LUZP4: variants seen among roughly 807,000 people sequenced by gnomAD.
The protein encoded by LUZP4 is leucine zipper protein 4.
In LUZP4, 11 loss-of-function variants were observed where a neutral mutation model predicts 8.5. The ratio of observed to expected loss-of-function variants is 1.30; its 90% CI spans 0.82 to 2.14. The LOEUF (loss-of-function observed/expected upper bound fraction) is 2.14, where lower values mean the gene tolerates loss of function less well. Ranked by LOEUF, LUZP4 falls within the 30% of genes most tolerant of loss-of-function variation. The pLI is 0.00. For synonymous variants in LUZP4, 104 were observed against 79.4 expected (o/e 1.31, Z -1.65); for missense variants, 276 against 229.7 (o/e 1.20, Z -1.30).
chrX:115,306,581 A>G lies in LUZP4; in HGVS notation c.719A>G (p.Asp240Gly). Residue 240 changes from aspartate to glycine, a missense_variant, in exon 4 of 4, where the codon GAC (aspartate) becomes GGC (glycine). Physicochemically the swap from Asp to Gly is moderately conservative, Grantham distance 94 (BLOSUM62 -1). Coordinates refer to ENST00000371920, the MANE Select transcript of LUZP4 (RefSeq NM_016383.5). ...TCTCGTAGCCAGGGAGATCTTGTGG[A>G]CACTCAGAGTGATCTCATAGCCACT... is the stretch of plus-strand genomic sequence containing the variant. ...KRSRSQGDLV[D>G]TQSDLIATQR... The G allele has an allele frequency of 8.3e-7, 1 of 1,208,727 alleles. No homozygotes were observed. The highest frequency in any genetic ancestry group is 1.1e-6 in the Non-Finnish European group (1 of 894,982).
chrX:115,295,214 C>T (rs2073365655), intron 1 of LUZP4, among the ~76,000 whole-genome samples: 1 of 111,467 alleles, frequency 9.0e-6, no homozygotes, highest in African/African-American at 3.3e-5. Flanking sequence ...TAGCTGGGAC[C>T]CTAGGTGTGC....
chrX:115,301,211 G>T (rs1255756830), intron 1 of LUZP4, among the ~76,000 whole-genome samples: 7 of 110,945 alleles, frequency 6.3e-5, no homozygotes, highest in East Asian at 5.6e-4. Flanking sequence ...CTTCCAGAAG[G>T]TGTGGGGGGC....
At position 115,289,782 on chromosome X, in the gene LUZP4, C is replaced by A. The variant is rs1556595788; in HGVS notation, c.23C>A (p.Thr8Lys). MASFRKL[T>K]LSEKVPPNHP... The stretch of plus-strand genomic sequence containing the variant: ...AAGATGGCTTCGTTTCGGAAGCTAA[C>A]GCTTTCTGAAAAAGTGCCGCCAAAT... The change falls in exon 1 of 4, where the codon ACG (threonine) becomes AAG (lysine). Residue 8 changes from threonine to lysine, a missense_variant. By Grantham distance (78) the Thr-to-Lys change is moderately conservative (BLOSUM62 -1). Transcript: ENST00000371920. 6 of 1,209,066 alleles carry A rather than the reference C, an allele frequency of 5.0e-6. No homozygotes were observed. The highest frequency in any genetic ancestry group is 6.7e-6 in the Non-Finnish European group (6 of 893,555).
chrX:115,304,033 A>G (rs1344564445), intron 3 of LUZP4, among the ~76,000 whole-genome samples: 2 of 112,719 alleles, frequency 1.8e-5, no homozygotes, highest in Non-Finnish European at 3.7e-5. Context: ...GGGAGCTTAA[A>G]TCATTTTTGC....
chrX:115,293,005 G>C (rs1241527397), intron 1 of LUZP4, among the ~76,000 whole-genome samples: 1 of 110,921 alleles, frequency 9.0e-6, no homozygotes, highest in Non-Finnish European at 1.9e-5. Flanking sequence ...GCATTAAAAT[G>C]ACTTTAAAAA....
intron 1 of LUZP4, among the ~76,000 whole-genome samples, chrX:115,295,103 A>G (rs1287949696): frequency 9.0e-6 from 1 of 111,464 alleles, no homozygotes; most frequent in Admixed American, 9.5e-5. Context: ...TTTTTGAGAC[A>G]GGGTCTCTGT....
At chrX:115,290,201 A>G (rs1168910703) in intron 1 of LUZP4, among the ~76,000 whole-genome samples, 1 of 111,456 alleles carries the variant, frequency 9.0e-6, no homozygotes, top group African/African-American at 3.3e-5. Flanking sequence ...TTGATACCTA[A>G]CTACTGGCCT....
chrX:115,289,719 G>T lies in LUZP4; in HGVS notation c.-41G>T, dbSNP rs1556595671. ...CCTGCGCGGTGAGGGGGTGGTACAC[G>T]CGCCCTACCTCGGAGTGTGTGGCGC... is the stretch of plus-strand genomic sequence containing the variant. On this transcript the variant is annotated 5_prime_UTR_variant, in exon 1 of 4. Transcript: ENST00000371920. 9.8e-7 allele frequency: 1 copy of T among 1,022,837 alleles called. No homozygotes were observed. Among genetic ancestry groups the T allele is most frequent in the Non-Finnish European group, 1.4e-6 (1 of 725,617 alleles). The allele number at this position is 1,022,837 out of a possible 1,213,427, so 84.3% of individuals were successfully genotyped here.
At chrX:115,301,494 C>G (rs1390176268) in intron 1 of LUZP4, among the ~76,000 whole-genome samples, 5 of 112,160 alleles carry the variant, frequency 4.5e-5, no homozygotes, top group Admixed American at 1.9e-4. Flanking sequence ...TCCATCACCA[C>G]TTTCTTACTT....
In LUZP4 at chrX:115,306,654, A is replaced by G; in HGVS notation, c.792A>G (p.Arg264=). The change falls in exon 4 of 4, where the codon AGA becomes AGG. Residue 264 remains arginine (R), a synonymous_variant. Transcript: ENST00000371920. ...AGAAAGATCTCATAGCCACTCAGAG[A>G]GATCTCATAGCCACTCAGAGAGATC... ...ATQKDLIATQ[R]DLIATQRDLI... 2.5e-6 allele frequency: 3 copies of G among 1,211,172 alleles called. No individual in the cohort carries two copies. Among genetic ancestry groups the G allele is most frequent in the Non-Finnish European group, 3.4e-6 (3 of 895,380 alleles).
intron 3 of LUZP4, among the ~76,000 whole-genome samples, chrX:115,305,634 G>T (rs2073416971): frequency 8.9e-6 from 1 of 112,485 alleles, no homozygotes; most frequent in African/African-American, 3.2e-5. Flanking sequence ...AATTGAAAAG[G>T]TAGAAAGGCT....
intron 1 of LUZP4, among the ~76,000 whole-genome samples, chrX:115,293,946 G>A (rs1424085358): frequency 4.8e-5 from 5 of 104,149 alleles, no homozygotes; most frequent in African/African-American, 1.4e-4. Flanking sequence ...ACTAGACTCC[G>A]TCTCAAAAAA....
intron 1 of LUZP4, among the ~76,000 whole-genome samples, chrX:115,295,913 T>C (rs1377359905): frequency 8.9e-6 from 1 of 112,215 alleles, no homozygotes; most frequent in African/African-American, 3.2e-5. Context: ...TGCTAGGCAC[T>C]TAGTACACTA....
chrX:115,306,138 A>G, intron 3 of LUZP4, 67 bp from the exon 4 acceptor site: 1 of 1,072,388 alleles, frequency 9.3e-7, no homozygotes, highest in Non-Finnish European at 1.3e-6. Context: ...TCTTGAGAAT[A>G]TATCATTATG....
At chrX:115,296,385 A>G (rs1406124802) in intron 1 of LUZP4, among the ~76,000 whole-genome samples, 1 of 111,289 alleles carries the variant, frequency 9.0e-6, no homozygotes, top group African/African-American at 3.3e-5. Flanking sequence ...TGAGGCCTGG[A>G]TCAAATGTCT....
chrX:115,306,065 C>T (rs1556603621), intron 3 of LUZP4, 140 bp from the exon 4 acceptor site: 3 of 609,329 alleles, frequency 4.9e-6, no homozygotes, highest in Non-Finnish European at 5.0e-6. Context: ...GTTCTAAAAA[C>T]TGGTTGATAA....
rs202214444 is a variant in LUZP4 at position 115,306,660 on chromosome X, C to T, written c.798C>T (p.Leu266=). 2.7e-4 allele frequency: 329 copies of T among 1,208,866 alleles called. No individual in the cohort carries two copies. The highest frequency in any genetic ancestry group is 3.5e-4 in the Non-Finnish European group (311 of 895,069). Residue 266 remains leucine (L), a synonymous_variant, in exon 4 of 4, where the codon CTC becomes CTT. Coordinates refer to ENST00000371920, the MANE Select transcript of LUZP4 (RefSeq NM_016383.5). ...QKDLIATQRD[L]IATQRDLIVT... ...ATCTCATAGCCACTCAGAGAGATCTCATAGCCACTCAGAGAGATCTCATAG... is the reference window on the plus strand; with the variant it reads ...ATCTCATAGCCACTCAGAGAGATCTTATAGCCACTCAGAGAGATCTCATAG...
At chrX:115,290,122 T>C (rs782614925) in intron 1 of LUZP4, among the ~76,000 whole-genome samples, 1 of 110,916 alleles carries the variant, frequency 9.0e-6, no homozygotes, top group Admixed American at 9.6e-5. Context: ...GCGTGGGGAT[T>C]AAGGATTGCT....
chrX:115,299,761 A>G (rs1222142767), intron 1 of LUZP4, among the ~76,000 whole-genome samples: 1 of 111,302 alleles, frequency 9.0e-6, no homozygotes, highest in Non-Finnish European at 1.9e-5. Flanking sequence ...ACGGATTCCA[A>G]GAGCCCACTT....
Sources: allele counts gnomAD v4.1 joint callset (sites outside exome capture counted in the v4.1 genomes callset), GRCh38; gene constraint gnomAD v4.1.1; transcripts MANE v1.5; gene names NCBI Gene and HGNC (gene_info 2026-07-23, HGNC 2026-07-21).